The following KCNAB1 variants were observed in gnomAD, a reference collection of about 807,000 sequenced individuals.
KCNAB1 encodes potassium voltage-gated channel subfamily A regulatory beta subunit 1.
In KCNAB1, 35 loss-of-function variants were observed where a neutral mutation model predicts 64.6. The ratio of observed to expected loss-of-function variants is 0.54; its 90% CI spans 0.41 to 0.72. The LOEUF (loss-of-function observed/expected upper bound fraction) is 0.72. Ranked by LOEUF, KCNAB1 falls within the 30% of genes least tolerant of loss-of-function variation. KCNAB1 has a pLI of 0.00. For synonymous variants in KCNAB1, 177 were observed against 183.8 expected, an observed-to-expected ratio of 0.96 and a Z score of 0.30; for missense variants, 401 against 512.9, an observed-to-expected ratio of 0.78 and a Z score of 2.11.
At chr3:156,458,011 A>C (rs3821424) in intron 4 of KCNAB1, among the ~76,000 whole-genome samples, 91,298 of 152,050 alleles carry the variant, frequency 0.6, 29,293 homozygotes, top group African/African-American at 0.84. Flanking sequence ...TCACTGTTGA[A>C]CTGCCTGTCC....
At chr3:156,214,024 G>A (rs1053978749) in intron 1 of KCNAB1, among the ~76,000 whole-genome samples, 3 of 152,284 alleles carry the variant, frequency 2.0e-5, no homozygotes, top group African/African-American at 2.4e-5. Flanking sequence ...GAAGTGGAGA[G>A]CTTCTGAGTT....
chr3:156,455,105 C>T (rs983957560), intron 3 of KCNAB1, among the ~76,000 whole-genome samples: 2 of 152,330 alleles, frequency 1.3e-5, no homozygotes, highest in Non-Finnish European at 2.9e-5. Context: ...AGAAGGGAGA[C>T]ACAGCCAGAT....
intron 1 of KCNAB1, among the ~76,000 whole-genome samples, chr3:156,373,163 A>G (rs1038087181): frequency 6.6e-6 from 1 of 152,226 alleles, no homozygotes; most frequent in African/African-American, 2.4e-5. Context: ...CAAACACAAG[A>G]TTTCAAGGCA....
Position 156,453,628 on chromosome 3 carries a change from T to C in KCNAB1, c.357+692T>C, listed in dbSNP as rs569415552. Among the ~76,000 whole-genome samples, 9 of 152,312 alleles carry C rather than the reference T, an allele frequency of 5.9e-5. No individual in the cohort carries two copies. The East Asian group carries it at 1.5e-3, about 26-fold the overall frequency. ...AAACAGTACTTACCAAAGTGATATT[T>C]TTATCATTTCCTTTAAGGAATACCT... is the stretch of plus-strand genomic sequence containing the variant. On this transcript the variant is annotated intron_variant, in intron 3 of 13. Coordinates refer to ENST00000490337, the MANE Select transcript of KCNAB1 (RefSeq NM_172160.3).
intron 7 of KCNAB1, among the ~76,000 whole-genome samples, chr3:156,471,146 A>G (rs555279273): frequency 2.0e-5 from 3 of 152,352 alleles, no homozygotes; most frequent in African/African-American, 7.2e-5. Flanking sequence ...CCCTTGCAGA[A>G]TCTCCAAACT....
chr3:156,443,542 T>A (rs1329714629), intron 2 of KCNAB1, among the ~76,000 whole-genome samples: 1 of 152,144 alleles, frequency 6.6e-6, no homozygotes, highest in Non-Finnish European at 1.5e-5. Context: ...ATGGAATCTT[T>A]CAGACCCTGT....
intron 1 of KCNAB1, among the ~76,000 whole-genome samples, chr3:156,332,014 G>A (rs945153136): frequency 1.3e-5 from 2 of 152,146 alleles, no homozygotes; most frequent in Non-Finnish European, 2.9e-5. Context: ...GGATGCACAG[G>A]ACTTCCCTGC....
chr3:156,154,528 G>A (rs114360186), intron 1 of KCNAB1, among the ~76,000 whole-genome samples: 253 of 152,234 alleles, frequency 1.7e-3, no homozygotes, highest in African/African-American at 5.9e-3. Flanking sequence ...ATGCGCCAGA[G>A]GATTTTCTGT....
At chr3:156,525,889 G>T (rs554719527) in intron 12 of KCNAB1, among the ~76,000 whole-genome samples, 2 of 152,134 alleles carry the variant, frequency 1.3e-5, no homozygotes, top group Non-Finnish European at 2.9e-5. Flanking sequence ...ATTGAAGAAA[G>T]AAAAATCTTA....
In KCNAB1 at chr3:156,305,368, A is replaced by G. The variant is rs183033078; in HGVS notation, c.276-116248A>G. 7.9e-5 allele frequency among the ~76,000 whole-genome samples: 12 copies of G among 152,340 alleles called. No homozygotes were observed. In the East Asian group the frequency reaches 2.1e-3, roughly 27 times the overall value. On this transcript the variant is annotated intron_variant, in intron 1 of 13. Transcript: ENST00000490337. ...TGGCTTGGTATGTTGTAGGTGATCA[A>G]TAAAGGATTGCAGGATGGATGAATG...
At chr3:156,228,650 G>A (rs1716333408) in intron 1 of KCNAB1, among the ~76,000 whole-genome samples, 1 of 152,156 alleles carries the variant, frequency 6.6e-6, no homozygotes, top group Non-Finnish European at 1.5e-5. Flanking sequence ...GGCTCCAAAG[G>A]TTTACAGAGT....
chr3:156,189,513 G>C (rs1437817819), intron 1 of KCNAB1, among the ~76,000 whole-genome samples: 1 of 152,184 alleles, frequency 6.6e-6, no homozygotes, highest in East Asian at 1.9e-4. Flanking sequence ...CATTAAAGGG[G>C]TGTTGGGGGA....
At chr3:156,249,149 G>GA (rs1232064722) in intron 1 of KCNAB1, among the ~76,000 whole-genome samples, 1 of 152,050 alleles carries the variant, frequency 6.6e-6, no homozygotes, top group Non-Finnish European at 1.5e-5. Context: ...GTGCTATGGA[G>GA]AAAAATAAAT....
chr3:156,150,795 G>A (rs1313079062), intron 1 of KCNAB1, among the ~76,000 whole-genome samples: 1 of 152,082 alleles, frequency 6.6e-6, no homozygotes, highest in Non-Finnish European at 1.5e-5. Flanking sequence ...TTATGACAAT[G>A]GGAAATTTTA....
chr3:156,143,787 A>T (rs898664166), intron 1 of KCNAB1, among the ~76,000 whole-genome samples: 4 of 145,712 alleles, frequency 2.7e-5, no homozygotes, highest in Non-Finnish European at 4.5e-5. Context: ...TAAGAGTAGA[A>T]TTTTTTTTTT....
chr3:156,403,289 G>A (rs1421935262), intron 1 of KCNAB1, among the ~76,000 whole-genome samples: 3 of 152,162 alleles, frequency 2.0e-5, no homozygotes, highest in East Asian at 3.9e-4. Flanking sequence ...ATGCTAATGG[G>A]GAGCTTCCAT....
At chr3:156,393,966 A>G (rs779719632) in intron 1 of KCNAB1, among the ~76,000 whole-genome samples, 1 of 152,220 alleles carries the variant, frequency 6.6e-6, no homozygotes, top group Non-Finnish European at 1.5e-5. Context: ...ACCATGGGTT[A>G]GGGAGAGACC....
At chr3:156,121,842 C>A (rs1411277993) in intron 1 of KCNAB1, among the ~76,000 whole-genome samples, 3 of 152,192 alleles carry the variant, frequency 2.0e-5, no homozygotes, top group Admixed American at 2.0e-4. Context: ...ATCCAGTGCA[C>A]TCTGAGCTGC....
intron 1 of KCNAB1, among the ~76,000 whole-genome samples, chr3:156,314,326 A>G (rs908620173): frequency 6.6e-6 from 1 of 152,202 alleles, no homozygotes; most frequent in Non-Finnish European, 1.5e-5. Flanking sequence ...GGTTGTTACT[A>G]TGTGTCATGC....
Sources: allele counts gnomAD v4.1 joint callset (sites outside exome capture counted in the v4.1 genomes callset), GRCh38; gene constraint gnomAD v4.1.1; transcripts MANE v1.5; gene names NCBI Gene and HGNC (gene_info 2026-07-23, HGNC 2026-07-21).